TBC1D14: variants seen among roughly 807,000 people sequenced by gnomAD.
TBC1D14 encodes the protein TBC1 domain family, member 14.
TBC1D14 carries 26 observed loss-of-function variants against 79.0 expected under a neutral mutation model. That is an observed-to-expected ratio of 0.33 (90% CI 0.24 to 0.46). The LOEUF is 0.46. TBC1D14 is among the 20% of genes least tolerant of loss of function. The pLI is 1.00. For missense variants in TBC1D14, 769 were observed against 887.6 expected, an observed-to-expected ratio of 0.87 and a Z score of 1.70; for synonymous variants, 394 against 349.9, an observed-to-expected ratio of 1.13 and a Z score of -1.40.
intron 3 of TBC1D14, among the ~76,000 whole-genome samples, chr4:6,991,819 T>C (rs1718528601): frequency 6.6e-6 from 1 of 152,248 alleles, no homozygotes; most frequent in South Asian, 2.1e-4. Context: ...CTGGGCTTGT[T>C]AGCGTCAGCC....
intron 2 of TBC1D14, among the ~76,000 whole-genome samples, chr4:6,934,334 G>C (rs1198561367): frequency 1.3e-5 from 2 of 151,968 alleles, no homozygotes; most frequent in African/African-American, 2.4e-5. Context: ...GTGCCGGCCC[G>C]GTGAGCATGG....
intron 3 of TBC1D14, among the ~76,000 whole-genome samples, chr4:6,974,111 G>T (rs915717040): frequency 6.6e-6 from 1 of 151,806 alleles, no homozygotes; most frequent in Non-Finnish European, 1.5e-5. Flanking sequence ...GACATGAGCC[G>T]CTGGGATTAC....
At chr4:6,961,916 G>A (rs185881760) in intron 2 of TBC1D14, among the ~76,000 whole-genome samples, 99 of 152,312 alleles carry the variant, frequency 6.5e-4, no homozygotes, top group Middle Eastern at 3.4e-3. Context: ...GAGCACATAC[G>A]ACTCCTGTTT....
intron 2 of TBC1D14, among the ~76,000 whole-genome samples, chr4:6,951,324 TAAA>T (rs1335789572): frequency 1.3e-5 from 2 of 151,478 alleles, no homozygotes; most frequent in African/African-American, 4.9e-5. Flanking sequence ...AACAACAACA[TAAA>T]AAACCCTCAT....
intron 2 of TBC1D14, among the ~76,000 whole-genome samples, chr4:6,956,045 G>A (rs763761776): frequency 6.6e-6 from 1 of 152,132 alleles, no homozygotes; most frequent in African/African-American, 2.4e-5. Flanking sequence ...AGGAACTGTC[G>A]TAGGCACTAG....
At chr4:6,932,730 C>T (rs538010635) in intron 2 of TBC1D14, among the ~76,000 whole-genome samples, 10 of 152,312 alleles carry the variant, frequency 6.6e-5, no homozygotes, top group Admixed American at 2.0e-4. Flanking sequence ...CTCAAAAGGT[C>T]ATCCTGCCTC....
At chr4:6,959,317 C>T (rs1221597427) in intron 2 of TBC1D14, among the ~76,000 whole-genome samples, 1 of 152,164 alleles carries the variant, frequency 6.6e-6, no homozygotes, top group Non-Finnish European at 1.5e-5. Flanking sequence ...GTGCTGGGTG[C>T]TTTCCTGGCT....
chr4:7,008,238 G>A (rs1287740565), intron 9 of TBC1D14, among the ~76,000 whole-genome samples: 1 of 152,218 alleles, frequency 6.6e-6, no homozygotes, highest in Non-Finnish European at 1.5e-5. Flanking sequence ...GTGGTGGGCG[G>A]AGGCCAAAGA....
chr4:7,020,180 C>T (rs146684509), intron 12 of TBC1D14, among the ~76,000 whole-genome samples: 1 of 152,038 alleles, frequency 6.6e-6, no homozygotes, highest in African/African-American at 2.4e-5. Context: ...TATGTGAACC[C>T]CACTGGGCTC....
rs183901255 is a variant in TBC1D14, at chr4:7,031,668, G to C, written c.*1276G>C. 6.6e-6 allele frequency: 1 copy of C among 152,378 alleles called. No individual in the cohort carries two copies. Among genetic ancestry groups the C allele is most frequent in the African/African-American group, 2.4e-5 (1 of 41,578 alleles). The allele number at this position is 152,378 out of a possible 1,614,324, so 9.4% of individuals were successfully genotyped here. On this transcript the variant is annotated 3_prime_UTR_variant, in exon 14 of 14. Transcript: ENST00000409757. ...TGTCTGGAAGCAGGGCCCACGTGGCGGTCCGCTGGCAGGCTGGTCCTGGGG... is the reference window on the plus strand; with the variant it reads ...TGTCTGGAAGCAGGGCCCACGTGGCCGTCCGCTGGCAGGCTGGTCCTGGGG...
intron 2 of TBC1D14, among the ~76,000 whole-genome samples, chr4:6,951,556 A>C (rs1235383878): frequency 3.3e-5 from 5 of 152,226 alleles, no homozygotes; most frequent in Non-Finnish European, 7.3e-5. Context: ...GGAATTTTTA[A>C]AAATGTGTTC....
chr4:6,988,232 T>C (rs541260075), intron 3 of TBC1D14, among the ~76,000 whole-genome samples: 39 of 152,368 alleles, frequency 2.6e-4, no homozygotes, highest in Middle Eastern at 3.4e-3. Flanking sequence ...GCGGACACTT[T>C]CAGTTTCGTG....
chr4:7,030,064 G>A (rs911274338), intron 13 of TBC1D14, among the ~76,000 whole-genome samples: 22 of 152,150 alleles, frequency 1.4e-4, no homozygotes, highest in African/African-American at 4.6e-4. Context: ...ACCCCAGTGA[G>A]GCCCCCAGCT....
At chr4:6,949,943 C>T (rs1470424949) in intron 2 of TBC1D14, among the ~76,000 whole-genome samples, 2 of 152,030 alleles carry the variant, frequency 1.3e-5, no homozygotes, top group African/African-American at 4.8e-5. Context: ...ATGTGCAGAA[C>T]ATGCAGGTTT....
chr4:6,999,854 C>T (rs537350422), intron 6 of TBC1D14, among the ~76,000 whole-genome samples: 1 of 152,236 alleles, frequency 6.6e-6, no homozygotes, highest in South Asian at 2.1e-4. Context: ...CAGTAGAGTG[C>T]ACCTGGCAGA....
chr4:7,025,362 T>A, intron 13 of TBC1D14, 100 bp downstream of exon 13: 1 of 1,525,518 alleles, frequency 6.6e-7, no homozygotes, highest in African/African-American at 1.4e-5. Context: ...ACGTAGCCCC[T>A]TTGATGGAGT....
chr4:6,942,446 C>T (rs1713001804), intron 2 of TBC1D14, among the ~76,000 whole-genome samples: 1 of 152,206 alleles, frequency 6.6e-6, no homozygotes, highest in African/African-American at 2.4e-5. Flanking sequence ...GGTGAGTCAT[C>T]TAGAGTTGCA....
chr4:6,953,849 C>T (rs544308814), intron 2 of TBC1D14, among the ~76,000 whole-genome samples: 1 of 151,242 alleles, frequency 6.6e-6, no homozygotes, highest in East Asian at 1.9e-4. Context: ...GTGCCTGGCA[C>T]ACTGCAGACG....
chr4:6,935,031 C>CATTG (rs1479793711), intron 2 of TBC1D14, among the ~76,000 whole-genome samples: 1 of 152,182 alleles, frequency 6.6e-6, no homozygotes, highest in Admixed American at 6.5e-5. Flanking sequence ...GTGAGCTGCA[C>CATTG]ATTGTTATCA....
Sources: allele counts gnomAD v4.1 joint callset (sites outside exome capture counted in the v4.1 genomes callset), GRCh38; gene constraint gnomAD v4.1.1; transcripts MANE v1.5; gene names NCBI Gene and HGNC (gene_info 2026-07-23, HGNC 2026-07-21).